The following NTNG1 variants were observed in gnomAD, a reference collection of about 807,000 sequenced individuals.
The protein encoded by NTNG1 is netrin G1.
In NTNG1, 16 loss-of-function variants were observed where a neutral mutation model predicts 54.0. That is an observed-to-expected ratio of 0.30 (90% CI 0.20 to 0.45). The LOEUF is 0.45. Among genes scored for constraint, NTNG1 ranks in the 20% least tolerant of loss-of-function variants. The pLI is 1.00. For missense variants in NTNG1, 530 were observed against 678.7 expected (o/e 0.78, Z 2.43); for synonymous variants, 255 against 263.1 (o/e 0.97, Z 0.30).
At chr1:107,363,097 TCAAAGAA>T (rs1670390142) in intron 3 of NTNG1, among the ~76,000 whole-genome samples, 3 of 152,238 alleles carry the variant, frequency 2.0e-5, no homozygotes, top group Non-Finnish European at 2.9e-5. Flanking sequence ...TAAAAGTTAA[TCAAAGAA>T]TTACAGGCAG....
At chr1:107,327,300 C>T (rs1017520627) in intron 3 of NTNG1, among the ~76,000 whole-genome samples, 1 of 152,072 alleles carries the variant, frequency 6.6e-6, no homozygotes, top group African/African-American at 2.4e-5. Flanking sequence ...TCTGATGGCT[C>T]GGGCGTGTCT....
intron 2 of NTNG1, among the ~76,000 whole-genome samples, chr1:107,206,906 T>C (rs1264720791): frequency 6.6e-6 from 1 of 152,146 alleles, no homozygotes; most frequent in Non-Finnish European, 1.5e-5. Flanking sequence ...TATTCCGCCA[T>C]CTCGCTGGTG....
intron 2 of NTNG1, among the ~76,000 whole-genome samples, chr1:107,303,748 A>G (rs1377235456): frequency 6.6e-6 from 1 of 152,024 alleles, no homozygotes; most frequent in Admixed American, 6.6e-5. Flanking sequence ...ATGCAGTGGA[A>G]CGATCTCGGC....
intron 2 of NTNG1, among the ~76,000 whole-genome samples, chr1:107,262,382 A>G (rs1224273977): frequency 6.6e-6 from 1 of 152,226 alleles, no homozygotes; most frequent in Non-Finnish European, 1.5e-5. Flanking sequence ...TTGTCACAAA[A>G]GATTAAAATG....
intron 2 of NTNG1, among the ~76,000 whole-genome samples, chr1:107,187,036 C>T (rs1657511080): frequency 6.6e-6 from 1 of 152,168 alleles, no homozygotes; most frequent in Admixed American, 6.6e-5. Flanking sequence ...TAGAATTACA[C>T]ACTGGGCTTT....
At chr1:107,280,787 C>G (rs1027650124) in intron 2 of NTNG1, among the ~76,000 whole-genome samples, 3 of 151,690 alleles carry the variant, frequency 2.0e-5, no homozygotes, top group Non-Finnish European at 4.4e-5. Context: ...GGTGCCAACA[C>G]TCATAACAGA....
At chr1:107,183,486 A>G (rs1447878195) in intron 2 of NTNG1, among the ~76,000 whole-genome samples, 1 of 152,106 alleles carries the variant, frequency 6.6e-6, no homozygotes. Context: ...ATAAAGTTGT[A>G]TTTCTCTTAT....
rs370815306 is a variant in NTNG1 at position 107,361,391 on chromosome 1, A to ATATATAT, written c.888-33762_888-33761insATATATT. On this transcript the variant is annotated intron_variant, in intron 3 of 7. Coordinates refer to ENST00000370068, the MANE Select transcript of NTNG1 (RefSeq NM_001113226.3). ...TATATATACATATATATATATATAT[A>ATATATAT]TTTTTTTTTTTTTTTGAGACACAGT... 2.9e-3 allele frequency among the ~76,000 whole-genome samples: 253 copies of ATATATAT among 87,960 alleles called. 1 individual carries two copies. The highest frequency in any genetic ancestry group is 0.019 in the South Asian group (46 of 2,480). The allele number at this position is 87,960 out of a possible 152,430, so 57.7% of individuals were successfully genotyped here. A position where few individuals can be genotyped will look rare whatever the true frequency, so the allele number is the denominator to read the frequency against.
At position 107,311,030 on chromosome 1, in the gene NTNG1, A is replaced by G. The variant is rs1436361881; in HGVS notation, c.247-13252A>G. 4.6e-5 allele frequency among the ~76,000 whole-genome samples: 7 copies of G among 152,298 alleles called. No individual in the cohort carries two copies. The East Asian group carries it at 1.3e-3, about 29-fold the overall frequency. ...CAGAATCTCTGTAATTAGCCACTGAAGCTGTGGCAAATAAACAAAGAGCAT... is the reference window on the plus strand; with the variant it reads ...CAGAATCTCTGTAATTAGCCACTGAGGCTGTGGCAAATAAACAAAGAGCAT... On this transcript the variant is annotated intron_variant, in intron 2 of 7. Coordinates refer to ENST00000370068, the MANE Select transcript of NTNG1 (RefSeq NM_001113226.3).
chr1:107,180,784 A>T (rs553625245), intron 2 of NTNG1, among the ~76,000 whole-genome samples: 126 of 152,092 alleles, frequency 8.3e-4, no homozygotes, highest in African/African-American at 2.9e-3. Context: ...CTAAAACATA[A>T]TAATTGCCTA....
At chr1:107,377,603 A>G (rs2101019834) in intron 3 of NTNG1, among the ~76,000 whole-genome samples, 1 of 152,344 alleles carries the variant, frequency 6.6e-6, no homozygotes, top group Admixed American at 6.5e-5. Flanking sequence ...TCCTCTTCAC[A>G]GCATTTTCTC....
chr1:107,322,574 T>G (rs12044183), intron 2 of NTNG1, among the ~76,000 whole-genome samples: 23,979 of 152,078 alleles, frequency 0.16, 2,281 homozygotes, highest in Admixed American at 0.24. Flanking sequence ...TGTAGAGCTT[T>G]GCATTTGGCT....
chr1:107,236,068 GCA>G (rs762440396), intron 2 of NTNG1, among the ~76,000 whole-genome samples: 2 of 151,988 alleles, frequency 1.3e-5, no homozygotes, highest in African/African-American at 2.4e-5. Context: ...ACACATGTGT[GCA>G]CACACACACA....
At position 107,283,743 on chromosome 1, in the gene NTNG1, C is replaced by T. The variant is rs1410818197; in HGVS notation, c.247-40539C>T. ...TGCCACATGAATCCTCATACTTGTGCTGAAGAACCTATGGTGGATCCCTAT... is the reference window on the plus strand; with the variant it reads ...TGCCACATGAATCCTCATACTTGTGTTGAAGAACCTATGGTGGATCCCTAT... On this transcript the variant is annotated intron_variant, in intron 2 of 7. Coordinates refer to ENST00000370068, the MANE Select transcript of NTNG1 (RefSeq NM_001113226.3). Among the ~76,000 whole-genome samples the T allele has an allele frequency of 2.6e-5, 4 of 152,158 alleles. No homozygotes were observed. In the East Asian group the frequency reaches 5.8e-4, roughly 22 times the overall value.
intron 2 of NTNG1, among the ~76,000 whole-genome samples, chr1:107,219,129 C>CTTTTTTTTTTTTTTT (rs1557819831): frequency 6.7e-6 from 1 of 149,268 alleles, no homozygotes; most frequent in Admixed American, 6.6e-5. Flanking sequence ...TTTTTTTTGT[C>CTTTTTTTTTTTTTTT]TTTAATAGAT....
At chr1:107,223,998 C>T (rs1660517272) in intron 2 of NTNG1, among the ~76,000 whole-genome samples, 1 of 152,084 alleles carries the variant, frequency 6.6e-6, no homozygotes, top group South Asian at 2.1e-4. Flanking sequence ...AATGCTAGTT[C>T]AATTGTTTTA....
intron 1 of NTNG1, among the ~76,000 whole-genome samples, chr1:107,144,875 A>C (rs1332440385): frequency 6.6e-6 from 1 of 152,030 alleles, no homozygotes; most frequent in Non-Finnish European, 1.5e-5. Flanking sequence ...GTTCCCAAGT[A>C]GAGGTGGTAG....
chr1:107,280,450 C>T (rs557967907), intron 2 of NTNG1, among the ~76,000 whole-genome samples: 2 of 152,014 alleles, frequency 1.3e-5, no homozygotes, highest in South Asian at 4.1e-4. Flanking sequence ...ATACCATTCT[C>T]TGTTTCCAGA....
chr1:107,143,762 G>T (rs745379931), intron 1 of NTNG1, among the ~76,000 whole-genome samples: 3 of 152,034 alleles, frequency 2.0e-5, no homozygotes, highest in Non-Finnish European at 4.4e-5. Flanking sequence ...CCCTGCATGA[G>T]AATTAAATAT....
Sources: gnomAD v4.1 joint callset for allele counts (sites outside exome capture counted in the v4.1 genomes callset) on GRCh38, gnomAD v4.1.1 for gene constraint, MANE v1.5 for transcripts, NCBI Gene and HGNC (gene_info 2026-07-23, HGNC 2026-07-21) for gene names.